Variants in ERBIN observed in about 807,000 individuals in gnomAD.
The protein encoded by ERBIN is erbb2 interacting protein.
Under a neutral mutation model 158.4 loss-of-function variants are expected in ERBIN, and 60 were observed. The observed-to-expected ratio is 0.38, with a 90% CI of 0.31 to 0.47. The LOEUF is 0.47. ERBIN is among the 20% of genes least tolerant of loss of function. The probability of loss-of-function intolerance (pLI) is 0.99; values close to 1 mark genes in which losing one functional copy is unlikely to be tolerated. For missense variants in ERBIN, 1,610 were observed against 1,648.0 expected, an observed-to-expected ratio of 0.98 and a Z score of 0.40; for synonymous variants, 594 against 557.2, an observed-to-expected ratio of 1.07 and a Z score of -0.93.
At chr5:65,996,591 TG>T (rs1175850904) in intron 4 of ERBIN, among the ~76,000 whole-genome samples, 3 of 152,190 alleles carry the variant, frequency 2.0e-5, no homozygotes. Flanking sequence ...TAGTTCTTTT[TG>T]TTCACCGTTG....
chr5:65,998,384 C>G (rs1038939994), intron 4 of ERBIN, among the ~76,000 whole-genome samples: 1 of 151,546 alleles, frequency 6.6e-6, no homozygotes, highest in Non-Finnish European at 1.5e-5. Context: ...TATGTTCATC[C>G]TAGGTTAAGG....
At chr5:66,072,407 T>G in intron 22 of ERBIN, 116 bp downstream of exon 22, 1 of 1,013,334 alleles carries the variant, frequency 9.9e-7, no homozygotes. Flanking sequence ...CTTTCCCCCC[T>G]TTATTAGTAA....
intron 1 of ERBIN, among the ~76,000 whole-genome samples, chr5:65,951,415 G>C (rs963058795): frequency 6.6e-6 from 1 of 152,114 alleles, no homozygotes; most frequent in Non-Finnish European, 1.5e-5. Flanking sequence ...ATAATATTAA[G>C]ATAAAGAATT....
intron 1 of ERBIN, among the ~76,000 whole-genome samples, chr5:65,949,241 C>T (rs2150916776): frequency 6.6e-6 from 1 of 152,240 alleles, no homozygotes; most frequent in South Asian, 2.1e-4. Context: ...ACTTCTGGCA[C>T]TTGATGCAAG....
rs1461905252 is a variant in ERBIN at position 66,007,296 on chromosome 5, A to G, written c.308-4753A>G. ...CAGAAAACTATCACAGGGACAGGGA[A>G]CCAAACACTGCATGTTCTCACTCAT... On this transcript the variant is annotated intron_variant, in intron 4 of 25. Coordinates refer to ENST00000284037, the MANE Select transcript of ERBIN (RefSeq NM_001253697.2). Among the ~76,000 whole-genome samples, 4 of 152,278 alleles carry G rather than the reference A, an allele frequency of 2.6e-5. No individual in the cohort carries two copies. The East Asian group carries it at 5.8e-4, about 22-fold the overall frequency.
chr5:66,006,751 A>G (rs1580327733), intron 4 of ERBIN, among the ~76,000 whole-genome samples: 1 of 152,272 alleles, frequency 6.6e-6, no homozygotes, highest in South Asian at 2.1e-4. Flanking sequence ...ACACTTCTCA[A>G]AAGAAGACAC....
At chr5:65,932,934 G>C (rs906835789) in intron 1 of ERBIN, among the ~76,000 whole-genome samples, 1 of 152,004 alleles carries the variant, frequency 6.6e-6, no homozygotes, top group African/African-American at 2.4e-5. Flanking sequence ...GAGACTATAG[G>C]CATGCACCAC....
intron 1 of ERBIN, among the ~76,000 whole-genome samples, chr5:65,938,442 C>G (rs1276248653): frequency 6.7e-6 from 1 of 148,878 alleles, no homozygotes; most frequent in African/African-American, 2.5e-5. Flanking sequence ...GTGATCATAG[C>G]TCACTGCAGC....
intron 1 of ERBIN, among the ~76,000 whole-genome samples, 200 bp downstream of exon 1, chr5:65,927,006 A>G (rs925838222): frequency 2.6e-5 from 1 of 38,376 alleles, no homozygotes; most frequent in Non-Finnish European, 5.8e-5. Flanking sequence ...TGCCCCCCCC[A>G]CCATCTGGAC....
At chr5:66,010,317 A>G (rs1754070418) in intron 4 of ERBIN, among the ~76,000 whole-genome samples, 1 of 152,000 alleles carries the variant, frequency 6.6e-6, no homozygotes, top group Non-Finnish European at 1.5e-5. Context: ...GTGATATGAT[A>G]TTGTTTTTGA....
In ERBIN at chr5:66,054,877, C is replaced by G. The variant is rs774447966; in HGVS notation, c.3559C>G (p.Pro1187Ala). 1.9e-6 allele frequency: 3 copies of G among 1,613,814 alleles called. No homozygotes were observed. Among genetic ancestry groups the G allele is most frequent in the Non-Finnish European group, 1.7e-6 (2 of 1,179,896 alleles). Residue 1187 changes from proline (P) to alanine (A), a missense_variant, in exon 21 of 26, where the codon CCA (proline) becomes GCA (alanine). Transcript: ENST00000284037. ...VGSEHSLLDPPGKSKVPRDWR... is the reference protein window; with the variant it reads ...VGSEHSLLDPAGKSKVPRDWR... ...TTCTGAGCATTCTTTATTAGATCCT[C>G]CAGGAAAAAGTAAAGTTCCTCGTGA...
chr5:66,018,508 A>ATATAATATATAT (rs1755155872), intron 7 of ERBIN, among the ~76,000 whole-genome samples: 1 of 10,064 alleles, frequency 9.9e-5, no homozygotes, highest in Non-Finnish European at 2.1e-4. Flanking sequence ...AATATATATT[A>ATATAATATATAT]TATATTATAT....
chr5:65,931,735 CT>C (rs1418221200), intron 1 of ERBIN, among the ~76,000 whole-genome samples: 1 of 151,276 alleles, frequency 6.6e-6, no homozygotes, highest in Non-Finnish European at 1.5e-5. Flanking sequence ...ACAGTATGTT[CT>C]TTTGGCTAAA....
At chr5:66,003,936 T>A (rs1181531893) in intron 4 of ERBIN, among the ~76,000 whole-genome samples, 5 of 146,488 alleles carry the variant, frequency 3.4e-5, no homozygotes, top group Non-Finnish European at 6.0e-5. Flanking sequence ...TTTTTTTTTT[T>A]TTTTTTTTTT....
chr5:65,964,207 CTAAT>C (rs1453913290), intron 1 of ERBIN, among the ~76,000 whole-genome samples: 1 of 152,204 alleles, frequency 6.6e-6, no homozygotes, highest in African/African-American at 2.4e-5. Context: ...TGAAATATAA[CTAAT>C]TAAGCAGTAG....
At chr5:65,950,968 T>G (rs1746432255) in intron 1 of ERBIN, among the ~76,000 whole-genome samples, 1 of 152,206 alleles carries the variant, frequency 6.6e-6, no homozygotes, top group Non-Finnish European at 1.5e-5. Flanking sequence ...ATTCATTTGA[T>G]CTGTAAGATT....
At chr5:65,983,870 G>A (rs1304700338) in intron 1 of ERBIN, among the ~76,000 whole-genome samples, 2 of 152,080 alleles carry the variant, frequency 1.3e-5, no homozygotes, top group Non-Finnish European at 1.5e-5. Context: ...GTGGTTGTGC[G>A]CCTCAGTCCC....
intron 4 of ERBIN, among the ~76,000 whole-genome samples, chr5:66,011,760 C>G (rs75438527): frequency 0.04 from 6,143 of 152,046 alleles, 424 homozygotes; most frequent in African/African-American, 0.14. Flanking sequence ...GTTAAATGTT[C>G]TACAATTTAG....
chr5:65,963,667 G>A (rs919902526), intron 1 of ERBIN, among the ~76,000 whole-genome samples: 6 of 152,100 alleles, frequency 3.9e-5, no homozygotes, highest in African/African-American at 1.4e-4. Flanking sequence ...AAATGAGAAT[G>A]TATTGTTCCT....
Sources: gnomAD v4.1 joint callset for allele counts (sites outside exome capture counted in the v4.1 genomes callset) on GRCh38, gnomAD v4.1.1 for gene constraint, MANE v1.5 for transcripts, NCBI Gene and HGNC (gene_info 2026-07-23, HGNC 2026-07-21) for gene names.